Variants in SMYD1 observed in about 807,000 individuals in gnomAD.
SMYD1 encodes the protein histone-lysine N-methyltransferase SMYD1.
SMYD1 carries 49 observed loss-of-function variants against 54.0 expected under a neutral mutation model. That is an observed-to-expected ratio of 0.91 (90% CI 0.72 to 1.15). The LOEUF (loss-of-function observed/expected upper bound fraction) is 1.15. SMYD1 is among the 50% of genes most tolerant of loss of function. SMYD1 has a pLI of 0.00. For synonymous variants in SMYD1, 269 were observed against 234.2 expected (o/e 1.15, Z -1.36); for missense variants, 653 against 639.6 (o/e 1.02, Z -0.23).
At chr2:88,086,341 C>T (rs1031372596) in intron 2 of SMYD1, among the ~76,000 whole-genome samples, 15 of 152,328 alleles carry the variant, frequency 9.8e-5, no homozygotes, top group Middle Eastern at 3.4e-3. Flanking sequence ...AGGATCTGTC[C>T]TGGACCACCA....
chr2:88,092,155 C>T (rs549276902), intron 4 of SMYD1, among the ~76,000 whole-genome samples: 168 of 152,240 alleles, frequency 1.1e-3, no homozygotes, highest in African/African-American at 3.9e-3. Context: ...CTCATTCCCC[C>T]AACCTTCTGC....
At chr2:88,095,298 C>T (rs1674556027) in intron 5 of SMYD1, among the ~76,000 whole-genome samples, 1 of 152,198 alleles carries the variant, frequency 6.6e-6, no homozygotes, top group African/African-American at 2.4e-5. Context: ...TGAGCAGGCA[C>T]TTCAGTTTTG....
In SMYD1 at chr2:88,091,084, C is replaced by G. The variant is rs758707474; in HGVS notation, c.601C>G (p.Leu201Val). 73 of 1,614,098 alleles carry G rather than the reference C, an allele frequency of 4.5e-5. No individual in the cohort carries two copies. Among genetic ancestry groups the G allele is most frequent in the Non-Finnish European group, 6.0e-5 (71 of 1,180,050 alleles). ...QAVGVGIFPN[L>V]GLVNHDCWPN... ...CGTGGGCGTAGGCATCTTCCCCAAC[C>G]TGGGCCTGGTGAACCATGACTGTTG... Residue 201 changes from leucine to valine, a missense_variant, in exon 4 of 10, where the codon CTG becomes GTG. Coordinates refer to ENST00000419482, the MANE Select transcript of SMYD1 (RefSeq NM_198274.4).
At chr2:88,087,245 C>G (rs1041370195) in intron 2 of SMYD1, among the ~76,000 whole-genome samples, 2 of 152,108 alleles carry the variant, frequency 1.3e-5, no homozygotes, top group Admixed American at 6.5e-5. Context: ...CTTGCCCAGG[C>G]TCACACAGTA....
At chr2:88,091,363 T>C (rs569886219) in intron 4 of SMYD1, among the ~76,000 whole-genome samples, 44 of 152,336 alleles carry the variant, frequency 2.9e-4, no homozygotes, top group African/African-American at 8.9e-4. Context: ...AATGTGTATG[T>C]TTCTTGGGGC....
At chr2:88,091,218 C>A in intron 4 of SMYD1, 76 bp downstream of exon 4, 2 of 1,471,022 alleles carry the variant, frequency 1.4e-6, no homozygotes, top group South Asian at 1.3e-5. Flanking sequence ...TTGACTTAAG[C>A]CAAAGTCAAC....
chr2:88,075,728 G>C (rs919423552), intron 1 of SMYD1, among the ~76,000 whole-genome samples: 1 of 151,596 alleles, frequency 6.6e-6, no homozygotes, highest in Admixed American at 6.6e-5. Flanking sequence ...TTTTTGTAGA[G>C]GCAGTGGTCT....
chr2:88,103,198 A>G lies in SMYD1; in HGVS notation c.981+48A>G, dbSNP rs779506483. 10 of 1,522,384 alleles carry G rather than the reference A, an allele frequency of 6.6e-6. 1 individual carries two copies. In the South Asian group the frequency reaches 6.8e-5, roughly 10 times the overall value. The allele number at this position is 1,522,384 out of a possible 1,614,324, so 94.3% of individuals were successfully genotyped here. A position where few individuals can be genotyped will look rare whatever the true frequency, so the allele number is the denominator to read the frequency against. ...GGATGGGGGTAGAAAGGAGGGTGGA[A>G]ACATTCTCCAGTAAGGGAGGGAAGT... On this transcript the variant is annotated intron_variant, in intron 7 of 9. Transcript: ENST00000419482.
intron 1 of SMYD1, among the ~76,000 whole-genome samples, chr2:88,070,954 A>C (rs974716040): frequency 3.6e-4 from 54 of 151,662 alleles, no homozygotes; most frequent in Non-Finnish European, 6.6e-4. Context: ...AAAAAAAAAA[A>C]AAAAAAAAAA....
intron 1 of SMYD1, among the ~76,000 whole-genome samples, chr2:88,075,807 TTCTGG>T (rs962854594): frequency 1.3e-5 from 2 of 152,028 alleles, no homozygotes; most frequent in Non-Finnish European, 2.9e-5. Flanking sequence ...CCTCCCAAAG[TTCTGG>T]GATTACAGGT....
At position 88,112,118 on chromosome 2, in the gene SMYD1, G is replaced by C. The variant is rs1397713746; in HGVS notation, c.*1606G>C. ...TTCTGGAAGGTTTTACAAGAAGACT[G>C]ATAGTCTTTCAAGCCCCCACATCAC... On this transcript the variant is annotated 3_prime_UTR_variant, in exon 10 of 10. Transcript: ENST00000419482. 2 of 703,312 alleles carry C rather than the reference G, an allele frequency of 2.8e-6. No individual in the cohort carries two copies. Among genetic ancestry groups the C allele is most frequent in the Non-Finnish European group, 5.2e-6 (2 of 385,116 alleles). The allele number at this position is 703,312 out of a possible 1,614,324, so 43.6% of individuals were successfully genotyped here.
intron 1 of SMYD1, among the ~76,000 whole-genome samples, chr2:88,081,033 G>A (rs1013764209): frequency 1.3e-5 from 2 of 151,916 alleles, no homozygotes; most frequent in African/African-American, 4.8e-5. Flanking sequence ...CTCCGGAGTA[G>A]CTGGGACTAC....
At position 88,088,083 on chromosome 2, in the gene SMYD1, C is replaced by T. The variant is rs1674381774; in HGVS notation, c.528+8C>T. 1.9e-6 allele frequency: 3 copies of T among 1,604,922 alleles called. No individual in the cohort carries two copies. The highest frequency in any genetic ancestry group is 2.7e-5 in the African/African-American group (2 of 74,802). ...TCGCACATCTTCGGAGTGGTAGGCC[C>T]CCTGCGTCCCTTCTCCATCCTCCCT... On this transcript the variant is annotated splice_region_variant and intron_variant, in intron 3 of 9. Transcript: ENST00000419482.
Position 88,096,693 on chromosome 2 carries a change from T to C in SMYD1, c.797T>C (p.Leu266Pro), listed in dbSNP as rs1558855460. The stretch of plus-strand genomic sequence containing the variant: ...GTTAGTGAAGAACGCAAGAGGCAGC[T>C]GAAGAAGCAGTACTACTTTGACTGC... Reference protein sequence around the residue: ...LNVSEERKRQLKKQYYFDCTC... With the variant: ...LNVSEERKRQPKKQYYFDCTC... Residue 266 changes from leucine (L) to proline (P), a missense_variant, in exon 6 of 10, where the codon CTG becomes CCG. Physicochemically the swap from Leu to Pro is moderately conservative, Grantham distance 98. Transcript: ENST00000419482. The C allele has an allele frequency of 6.2e-7, 1 of 1,614,210 alleles. No individual in the cohort carries two copies. The highest frequency in any genetic ancestry group is 8.5e-7 in the Non-Finnish European group (1 of 1,180,038).
chr2:88,070,468 C>T (rs1244759659), intron 1 of SMYD1, among the ~76,000 whole-genome samples: 1 of 151,812 alleles, frequency 6.6e-6, no homozygotes, highest in East Asian at 1.9e-4. Flanking sequence ...TATATTCTAA[C>T]ATATATATTA....
At chr2:88,090,981 G>C in intron 3 of SMYD1, 31 bp from the exon 4 acceptor site, 1 of 1,601,428 alleles carries the variant, frequency 6.2e-7, no homozygotes, top group East Asian at 2.2e-5. Flanking sequence ...CATGTCTGTC[G>C]ACTGACTCTT....
chr2:88,104,516 G>T (rs950552655), intron 7 of SMYD1, among the ~76,000 whole-genome samples: 2 of 152,192 alleles, frequency 1.3e-5, no homozygotes, highest in Admixed American at 1.3e-4. Flanking sequence ...GTTCTCTCCT[G>T]TTCGTTTCTT....
intron 1 of SMYD1, among the ~76,000 whole-genome samples, chr2:88,068,580 C>T (rs1433274875): frequency 1.3e-5 from 2 of 149,912 alleles, no homozygotes; most frequent in Non-Finnish European, 3.0e-5. Context: ...TATATCTGCA[C>T]TTAACAAGAT....
intron 2 of SMYD1, among the ~76,000 whole-genome samples, chr2:88,087,079 CAAAAAA>C (rs57379534): frequency 4.8e-5 from 4 of 83,858 alleles, no homozygotes; most frequent in Non-Finnish European, 6.6e-5. Context: ...GTATAGCTTC[CAAAAAA>C]AAAAAAAAAA....
Sources: gnomAD v4.1 joint callset for allele counts (sites outside exome capture counted in the v4.1 genomes callset) on GRCh38, gnomAD v4.1.1 for gene constraint, MANE v1.5 for transcripts, NCBI Gene and HGNC (gene_info 2026-07-23, HGNC 2026-07-21) for gene names.